Variants in ARHGAP15 observed in about 807,000 individuals in gnomAD.
ARHGAP15 encodes the protein rho GTPase-activating protein 15.
ARHGAP15 carries 51 observed loss-of-function variants against 63.7 expected under a neutral mutation model. The ratio of observed to expected loss-of-function variants is 0.80; its 90% confidence interval spans 0.64 to 1.01. The LOEUF (loss-of-function observed/expected upper bound fraction) is 1.01. Ranked by LOEUF, ARHGAP15 falls within the 50% of genes least tolerant of loss-of-function variation. The pLI, the probability that ARHGAP15 is intolerant of heterozygous loss-of-function variation, is 0.00. For synonymous variants in ARHGAP15, 191 were observed against 193.8 expected (o/e 0.99, Z 0.12); for missense variants, 560 against 564.6 (o/e 0.99, Z 0.08).
intron 8 of ARHGAP15, among the ~76,000 whole-genome samples, chr2:143,477,069 C>T (rs1337550355): frequency 1.3e-5 from 2 of 152,190 alleles, no homozygotes; most frequent in Non-Finnish European, 2.9e-5. Flanking sequence ...GATTTTAACA[C>T]ATGTTCAAAG....
intron 6 of ARHGAP15, among the ~76,000 whole-genome samples, chr2:143,367,550 T>C (rs1481113161): frequency 2.0e-5 from 3 of 152,100 alleles, no homozygotes; most frequent in Non-Finnish European, 4.4e-5. Context: ...TATAACTAAA[T>C]GGCATTCATT....
intron 8 of ARHGAP15, among the ~76,000 whole-genome samples, chr2:143,452,853 G>A (rs968714901): frequency 6.6e-6 from 1 of 151,800 alleles, no homozygotes; most frequent in Non-Finnish European, 1.5e-5. Context: ...AAAATATTGG[G>A]ATGATATAGT....
At chr2:143,415,038 C>T (rs1688614859) in intron 6 of ARHGAP15, among the ~76,000 whole-genome samples, 1 of 152,154 alleles carries the variant, frequency 6.6e-6, no homozygotes, top group Non-Finnish European at 1.5e-5. Context: ...GCAGGCTGAT[C>T]ATGATGATGG....
chr2:143,191,141 A>G (rs72851508), intron 2 of ARHGAP15, among the ~76,000 whole-genome samples: 3,588 of 152,328 alleles, frequency 0.024, 59 homozygotes, highest in Non-Finnish European at 0.036. Flanking sequence ...TCTTTAGAAA[A>G]GGAACATAAA....
intron 13 of ARHGAP15, among the ~76,000 whole-genome samples, chr2:143,734,065 A>G (rs1440484834): frequency 6.6e-6 from 1 of 152,162 alleles, no homozygotes; most frequent in Non-Finnish European, 1.5e-5. Context: ...CTTTTTGTGA[A>G]GCATCCAGTC....
intron 6 of ARHGAP15, among the ~76,000 whole-genome samples, chr2:143,278,981 A>AT (rs1681710660): frequency 6.6e-6 from 1 of 150,788 alleles, no homozygotes; most frequent in African/African-American, 2.4e-5. Context: ...GAGGCCACTT[A>AT]TTTAAGTACA....
rs774929271 is a variant in ARHGAP15, at chr2:143,589,061, A to AC, written c.1003+32579dup. 2.0e-5 allele frequency among the ~76,000 whole-genome samples: 3 copies of AC among 152,136 alleles called. No homozygotes were observed. In the East Asian group the frequency reaches 5.8e-4, roughly 29 times the overall value. On this transcript the variant is annotated intron_variant, in intron 11 of 13. Coordinates refer to ENST00000295095, the MANE Select transcript of ARHGAP15 (RefSeq NM_018460.4). ...AACTCACCATTGGGCCCTCTTGCCT[A>AC]CCCACTACTCCCTCAGAAAACTTGC...
intron 6 of ARHGAP15, among the ~76,000 whole-genome samples, chr2:143,270,016 G>A (rs574253963): frequency 1.3e-4 from 20 of 152,008 alleles, no homozygotes; most frequent in African/African-American, 4.1e-4. Flanking sequence ...CTTGTCGCCC[G>A]GGCTGGTGTG....
chr2:143,359,246 CA>C (rs1685938702), intron 6 of ARHGAP15, among the ~76,000 whole-genome samples: 1 of 152,106 alleles, frequency 6.6e-6, no homozygotes, highest in African/African-American at 2.4e-5. Context: ...GGCATACTTT[CA>C]TTGAAGTTCA....
At chr2:143,428,919 C>A (rs1253589327) in intron 6 of ARHGAP15, among the ~76,000 whole-genome samples, 1 of 152,088 alleles carries the variant, frequency 6.6e-6, no homozygotes, top group Non-Finnish European at 1.5e-5. Flanking sequence ...CAGGGAGTGA[C>A]TGGTGACAAA....
intron 6 of ARHGAP15, among the ~76,000 whole-genome samples, chr2:143,375,932 A>T (rs1379162864): frequency 1.3e-5 from 2 of 152,364 alleles, no homozygotes; most frequent in East Asian, 3.9e-4. Context: ...TCTTTAAAGA[A>T]AAAGTAGAAA....
chr2:143,665,704 A>C lies in ARHGAP15; in HGVS notation c.1139-37715A>C, dbSNP rs1217970888. Among the ~76,000 whole-genome samples the C allele has an allele frequency of 1.5e-3, 229 of 148,350 alleles. 3 individuals are homozygous for C. Among genetic ancestry groups the C allele is most frequent in the African/African-American group, 5.4e-3 (218 of 40,214 alleles). ...AGCCCAAAATCTCCTTAAGCTGATA[A>C]GCAACTTCAGCAAAGTCTCAGGATA... On this transcript the variant is annotated intron_variant, in intron 12 of 13. Transcript: ENST00000295095.
intron 10 of ARHGAP15, among the ~76,000 whole-genome samples, chr2:143,537,422 C>A (rs970499742): frequency 6.6e-6 from 1 of 152,092 alleles, no homozygotes; most frequent in African/African-American, 2.4e-5. Context: ...GTTGCCATTG[C>A]TTTTGGTGTT....
Position 143,542,772 on chromosome 2 carries a change from A to G in ARHGAP15, c.926-13636A>G, listed in dbSNP as rs950274452. 4.3e-4 allele frequency among the ~76,000 whole-genome samples: 37 copies of G among 85,208 alleles called. 4 individuals are homozygous for G. Among genetic ancestry groups the G allele is most frequent in the Non-Finnish European group, 6.9e-4 (26 of 37,562 alleles). 55.9% of individuals were successfully genotyped at this position (85,208 alleles called of 152,430 possible). ...ATATATATAATATCACATATATAAT[A>G]TATATATGATATATATAATATCACA... is the stretch of plus-strand genomic sequence containing the variant. On this transcript the variant is annotated intron_variant, in intron 10 of 13. Transcript: ENST00000295095.
At chr2:143,556,088 C>T (rs1227634736) in intron 10 of ARHGAP15, among the ~76,000 whole-genome samples, 3 of 151,998 alleles carry the variant, frequency 2.0e-5, no homozygotes, top group Non-Finnish European at 2.9e-5. Context: ...AATACACAAA[C>T]GTCTGGAGGT....
intron 11 of ARHGAP15, among the ~76,000 whole-genome samples, chr2:143,562,406 T>G (rs1696067131): frequency 6.6e-6 from 1 of 152,254 alleles, no homozygotes; most frequent in Admixed American, 6.5e-5. Flanking sequence ...CATTCATTTT[T>G]CTATTAAATA....
chr2:143,327,243 G>T (rs1225708989), intron 6 of ARHGAP15, among the ~76,000 whole-genome samples: 1 of 151,846 alleles, frequency 6.6e-6, no homozygotes, highest in African/African-American at 2.4e-5. Context: ...ATAAACCACT[G>T]TGAGGACACA....
At chr2:143,380,068 G>C (rs1475019171) in intron 6 of ARHGAP15, among the ~76,000 whole-genome samples, 3 of 152,038 alleles carry the variant, frequency 2.0e-5, no homozygotes, top group Non-Finnish European at 4.4e-5. Context: ...TGTGGTTATA[G>C]CCCTCAAGCA....
At chr2:143,422,210 T>C (rs962063123) in intron 6 of ARHGAP15, among the ~76,000 whole-genome samples, 7 of 152,160 alleles carry the variant, frequency 4.6e-5, no homozygotes, top group Admixed American at 2.0e-4. Flanking sequence ...CTGGTTCTCA[T>C]GATAGAAAAA....
Sources: allele counts gnomAD v4.1 joint callset (sites outside exome capture counted in the v4.1 genomes callset), GRCh38; gene constraint gnomAD v4.1.1; transcripts MANE v1.5; gene names NCBI Gene and HGNC (gene_info 2026-07-23, HGNC 2026-07-21).